Variants in FBXL7 observed in about 807,000 individuals in gnomAD.
The protein encoded by FBXL7 is F-box/LRR-repeat protein 7.
Under a neutral mutation model 38.3 loss-of-function variants are expected in FBXL7, and 12 were observed. The observed-to-expected ratio is 0.31, with a 90% CI of 0.20 to 0.51. The LOEUF (loss-of-function observed/expected upper bound fraction) is 0.51, where lower values mean the gene tolerates loss of function less well. Ranked by LOEUF, FBXL7 falls within the 20% of genes least tolerant of loss-of-function variation. The probability of loss-of-function intolerance (pLI) is 0.98; values close to 1 mark genes in which losing one functional copy is unlikely to be tolerated. For synonymous variants in FBXL7, 297 were observed against 300.9 expected (o/e 0.99, Z 0.13); for missense variants, 567 against 676.4 (o/e 0.84, Z 1.79).
intron 2 of FBXL7, among the ~76,000 whole-genome samples, chr5:15,851,823 C>CAG (rs1209842539): frequency 2.1e-5 from 3 of 143,400 alleles, no homozygotes; most frequent in African/African-American, 8.2e-5. Flanking sequence ...TACACACACA[C>CAG]ACACACACAC....
At chr5:15,797,135 A>G (rs986377009) in intron 2 of FBXL7, among the ~76,000 whole-genome samples, 1 of 152,206 alleles carries the variant, frequency 6.6e-6, no homozygotes, top group East Asian at 1.9e-4. Flanking sequence ...TGCTATGTGT[A>G]TAGCTTTGAA....
intron 2 of FBXL7, among the ~76,000 whole-genome samples, chr5:15,830,033 T>G (rs1003705083): frequency 6.6e-6 from 1 of 152,146 alleles, no homozygotes; most frequent in Non-Finnish European, 1.5e-5. Context: ...TTTAGCACGT[T>G]TTTTGCCCAG....
At chr5:15,720,172 A>G (rs984225134) in intron 2 of FBXL7, among the ~76,000 whole-genome samples, 5 of 149,264 alleles carry the variant, frequency 3.3e-5, no homozygotes, top group Non-Finnish European at 6.0e-5. Flanking sequence ...CCAGTCATTC[A>G]TTAGCAATCA....
chr5:15,650,490 G>A (rs1342376924), intron 2 of FBXL7, among the ~76,000 whole-genome samples: 2 of 152,140 alleles, frequency 1.3e-5, no homozygotes, highest in South Asian at 2.1e-4. Context: ...GGTGGCTGTG[G>A]CAATTTCTTA....
At chr5:15,513,337 GTTAT>G (rs1736853558) in intron 1 of FBXL7, among the ~76,000 whole-genome samples, 1 of 152,020 alleles carries the variant, frequency 6.6e-6, no homozygotes, top group Non-Finnish European at 1.5e-5. Context: ...AAATGAAAGT[GTTAT>G]TTCTTTCTTT....
rs1478309867 is a variant in FBXL7, at chr5:15,779,507, GA to G, written c.128-148380del. On this transcript the variant is annotated intron_variant, in intron 2 of 3. Transcript: ENST00000504595. ...ATTTTTTAAAAAGCTATCAAAAAAA[GA>G]AATGGAAAAGAGTGACTTAGCAGCA... Among the ~76,000 whole-genome samples the G allele has an allele frequency of 3.9e-5, 6 of 152,040 alleles. No individual in the cohort carries two copies. The South Asian group carries it at 1.2e-3, about 32-fold the overall frequency.
chr5:15,810,616 A>G (rs1480966357), intron 2 of FBXL7, among the ~76,000 whole-genome samples: 1 of 152,080 alleles, frequency 6.6e-6, no homozygotes, highest in Admixed American at 6.6e-5. Context: ...ATTAATATGA[A>G]TGCCACAATT....
At chr5:15,582,317 C>T (rs1429037) in intron 1 of FBXL7, among the ~76,000 whole-genome samples, 76,267 of 152,038 alleles carry the variant, frequency 0.5, 19,565 homozygotes, top group African/African-American at 0.58. Context: ...CTTTTTTCTA[C>T]TCTGGATAAG....
At chr5:15,667,754 C>T (rs1742333182) in intron 2 of FBXL7, among the ~76,000 whole-genome samples, 1 of 152,178 alleles carries the variant, frequency 6.6e-6, no homozygotes, top group Non-Finnish European at 1.5e-5. Context: ...ATTCTTCCCT[C>T]CTGTGTGCCA....
At chr5:15,710,440 T>C (rs2126641883) in intron 2 of FBXL7, among the ~76,000 whole-genome samples, 1 of 152,280 alleles carries the variant, frequency 6.6e-6, no homozygotes, top group Non-Finnish European at 1.5e-5. Flanking sequence ...AGGTCTGTAC[T>C]CACAGCGAGA....
intron 2 of FBXL7, among the ~76,000 whole-genome samples, chr5:15,819,235 G>T (rs570114927): frequency 1.3e-5 from 2 of 152,050 alleles, no homozygotes; most frequent in Admixed American, 6.6e-5. Flanking sequence ...GAGTTGGCCC[G>T]CAAGCCTTCA....
chr5:15,923,736 G>C (rs1387428894), intron 2 of FBXL7, among the ~76,000 whole-genome samples: 7 of 152,122 alleles, frequency 4.6e-5, no homozygotes, highest in Non-Finnish European at 8.8e-5. Flanking sequence ...TGTAGGAATA[G>C]CAGGAAGGAA....
intron 2 of FBXL7, among the ~76,000 whole-genome samples, chr5:15,789,811 G>A (rs2126729684): frequency 6.6e-6 from 1 of 152,312 alleles, no homozygotes; most frequent in East Asian, 1.9e-4. Context: ...CAGGGGTGCT[G>A]TAGGAAGATC....
intron 2 of FBXL7, among the ~76,000 whole-genome samples, chr5:15,708,665 C>T (rs1036251852): frequency 4.6e-5 from 7 of 151,848 alleles, no homozygotes; most frequent in African/African-American, 1.7e-4. Flanking sequence ...GAAAAAATTC[C>T]TTTTTTTTGA....
intron 1 of FBXL7, among the ~76,000 whole-genome samples, chr5:15,605,828 T>C (rs1739989768): frequency 6.6e-6 from 1 of 152,172 alleles, no homozygotes; most frequent in Admixed American, 6.5e-5. Flanking sequence ...ACTTTGTCAT[T>C]TGGCAATGGC....
chr5:15,544,189 A>G (rs1306180901), intron 1 of FBXL7, among the ~76,000 whole-genome samples: 8 of 152,184 alleles, frequency 5.3e-5, no homozygotes, highest in Non-Finnish European at 1.5e-5. Context: ...TGCTACTTCA[A>G]TAAAAGTTGC....
intron 2 of FBXL7, among the ~76,000 whole-genome samples, chr5:15,748,470 GTGAA>G: frequency 6.6e-6 from 1 of 152,326 alleles, no homozygotes; most frequent in South Asian, 2.1e-4. Context: ...TCTCCTGGTA[GTGAA>G]TAAGTCTTAC....
At chr5:15,555,378 C>T (rs1035267750) in intron 1 of FBXL7, among the ~76,000 whole-genome samples, 1 of 152,104 alleles carries the variant, frequency 6.6e-6, no homozygotes, top group Non-Finnish European at 1.5e-5. Context: ...GGGAAGCAGG[C>T]ATCAAAGCCA....
chr5:15,595,743 A>G (rs1739608602), intron 1 of FBXL7, among the ~76,000 whole-genome samples: 1 of 152,198 alleles, frequency 6.6e-6, no homozygotes, highest in African/African-American at 2.4e-5. Context: ...AAAAGATGTA[A>G]ATCGAAGTGC....
Sources: allele counts gnomAD v4.1 joint callset (sites outside exome capture counted in the v4.1 genomes callset), GRCh38; gene constraint gnomAD v4.1.1; transcripts MANE v1.5; gene names NCBI Gene and HGNC (gene_info 2026-07-23, HGNC 2026-07-21).